Variants in C6orf89 observed in about 807,000 individuals in gnomAD.
C6orf89 encodes chromosome 6 open reading frame 89.
A neutral mutation model predicts 40.7 loss-of-function variants in C6orf89; 29 were observed. The ratio of observed to expected loss-of-function variants is 0.71; its 90% CI spans 0.53 to 0.97. C6orf89 has a LOEUF of 0.97. C6orf89 is among the 50% of genes least tolerant of loss of function. The pLI is 0.00. For synonymous variants in C6orf89, 165 were observed against 152.2 expected (o/e 1.08, Z -0.62); for missense variants, 392 against 429.1 (o/e 0.91, Z 0.76).
chr6:36,918,182 G>A (rs112026786), intron 7 of C6orf89, among the ~76,000 whole-genome samples: 2 of 152,170 alleles, frequency 1.3e-5, no homozygotes, highest in Non-Finnish European at 2.9e-5. Context: ...AGTGGCACTC[G>A]GGGAGAAGGT....
At position 36,916,676 on chromosome 6, in the gene C6orf89, C is replaced by A. The variant is rs907764716; in HGVS notation, c.825+102C>A. On this transcript the variant is annotated intron_variant, in intron 7 of 8. Coordinates refer to ENST00000480824, the MANE Select transcript of C6orf89 (RefSeq NM_001286635.2). ...CCCTGCATATTGGCTTAGAGGGTTA[C>A]AGGGTGAATTGAGGGGACACCCACA... 124 of 1,441,576 alleles carry A rather than the reference C, an allele frequency of 8.6e-5. 1 individual carries two copies. In the Admixed American group the frequency reaches 2.2e-3, roughly 25 times the overall value. 89.3% of individuals were successfully genotyped at this position (1,441,576 alleles called of 1,614,324 possible). A position where few individuals can be genotyped will look rare whatever the true frequency, so the allele number is the denominator to read the frequency against.
chr6:36,906,380 C>T (rs1459320525), intron 4 of C6orf89, among the ~76,000 whole-genome samples: 1 of 152,196 alleles, frequency 6.6e-6, no homozygotes, highest in Non-Finnish European at 1.5e-5. Flanking sequence ...GTTTATTTCT[C>T]AGTCTTCACA....
At chr6:36,903,285 G>T (rs1219047125) in intron 4 of C6orf89, among the ~76,000 whole-genome samples, 1 of 151,850 alleles carries the variant, frequency 6.6e-6, no homozygotes, top group Admixed American at 6.6e-5. Context: ...ATATTATTTT[G>T]GGATTTTTTT....
upstream of C6orf89, among the ~76,000 whole-genome samples, chr6:36,885,178 T>A (rs1423746764): frequency 1.3e-5 from 2 of 152,200 alleles, no homozygotes; most frequent in African/African-American, 4.8e-5. Flanking sequence ...CCTAACTTAA[T>A]AGTATACACC....
chr6:36,886,443 A>AT (rs1388261658), intron 1 of C6orf89, among the ~76,000 whole-genome samples: 1 of 151,942 alleles, frequency 6.6e-6, no homozygotes. Flanking sequence ...GGGGGCAATA[A>AT]TTTTTTTTCT....
chr6:36,911,107 T>C (rs1206522720), intron 4 of C6orf89, among the ~76,000 whole-genome samples: 2 of 152,242 alleles, frequency 1.3e-5, no homozygotes, highest in Admixed American at 6.5e-5. Flanking sequence ...GATTTCCCTT[T>C]ACTGGGTTTT....
Position 36,914,692 on chromosome 6 carries a change from T to C in C6orf89, c.694T>C (p.Trp232Arg). 6.2e-7 allele frequency: 1 copy of C among 1,613,630 alleles called. No homozygotes were observed. The highest frequency in any genetic ancestry group is 1.3e-5 in the African/African-American group (1 of 75,020). The change falls in exon 6 of 9, where the codon TGG (tryptophan) becomes CGG (arginine). Residue 232 changes from tryptophan to arginine, a missense_variant and splice_region_variant. Trp to Arg is a moderately radical substitution (Grantham distance 101). Transcript: ENST00000480824. Reference protein sequence around the residue: ...PERWFPFPYPWRRPLNRSQML... With the variant: ...PERWFPFPYPRRRPLNRSQML... ...GCGGTGGTTCCCATTTCCTTATCCATGGTGAGTGTGAAAAGGGCCGGGCAC... is the reference window on the plus strand; with the variant it reads ...GCGGTGGTTCCCATTTCCTTATCCACGGTGAGTGTGAAAAGGGCCGGGCAC...
chr6:36,913,894 C>T (rs1446223875), intron 4 of C6orf89, among the ~76,000 whole-genome samples: 1 of 152,226 alleles, frequency 6.6e-6, no homozygotes, highest in Non-Finnish European at 1.5e-5. Flanking sequence ...GATGCGGTGG[C>T]TTGCGCCTGT....
intron 2 of C6orf89, among the ~76,000 whole-genome samples, chr6:36,896,253 G>A (rs1761426517): frequency 6.6e-6 from 1 of 152,052 alleles, no homozygotes; most frequent in South Asian, 2.1e-4. Context: ...GATTACAGGT[G>A]CCTGCCACCA....
chr6:36,882,727 C>CTTTTTTTTTTTTTTTTTTTT (rs1561854588), upstream of C6orf89, among the ~76,000 whole-genome samples: 1 of 57,458 alleles, frequency 1.7e-5, no homozygotes, highest in African/African-American at 5.0e-5. Flanking sequence ...TTTTTTTTTT[C>CTTTTTTTTTTTTTTTTTTTT]TTTTTTCTTT....
upstream of C6orf89, among the ~76,000 whole-genome samples, chr6:36,884,064 G>A (rs1774897211): frequency 6.6e-6 from 1 of 152,130 alleles, no homozygotes; most frequent in African/African-American, 2.4e-5. The surrounding 1 kb of genome is among the most constrained non-coding windows in gnomAD (Gnocchi z 4.0). Flanking sequence ...GAGTTTGAGA[G>A]CAGCCTGGCC....
chr6:36,874,283 C>T (rs953194362), intron 1 of C6orf89, among the ~76,000 whole-genome samples: 3 of 152,212 alleles, frequency 2.0e-5, no homozygotes, highest in Non-Finnish European at 2.9e-5. Context: ...CTGTATTTTA[C>T]TGGAATTTGT....
At chr6:36,909,731 C>T (rs1004782096) in intron 4 of C6orf89, among the ~76,000 whole-genome samples, 8 of 148,854 alleles carry the variant, frequency 5.4e-5, no homozygotes, top group East Asian at 1.9e-4. Context: ...CACAGTGAGC[C>T]GTGATTGTAC....
intron 7 of C6orf89, among the ~76,000 whole-genome samples, chr6:36,918,091 C>T (rs924192943): frequency 1.3e-5 from 2 of 152,206 alleles, no homozygotes; most frequent in African/African-American, 4.8e-5. Flanking sequence ...GGCCCTGGGC[C>T]CTGGGCCCTG....
chr6:36,895,836 T>C (rs549974192), intron 2 of C6orf89, among the ~76,000 whole-genome samples: 1 of 152,390 alleles, frequency 6.6e-6, no homozygotes, highest in South Asian at 2.1e-4. Flanking sequence ...TGTGTGGACA[T>C]ATGTTTTCAT....
chr6:36,901,321 ATTTTTTTTTTTTTTT>A (rs60381134), intron 3 of C6orf89, among the ~76,000 whole-genome samples: 2 of 19,026 alleles, frequency 1.1e-4, no homozygotes, highest in African/African-American at 1.7e-4. Flanking sequence ...TATTATTATT[ATTTTTTTTTTTTTTT>A]TTTTTTTTTT....
chr6:36,900,196 G>GT (rs540944447), intron 3 of C6orf89, among the ~76,000 whole-genome samples: 6,091 of 138,518 alleles, frequency 0.044, 381 homozygotes, highest in African/African-American at 0.15. Flanking sequence ...CTTGTGTTTT[G>GT]TTTTTTTTTG....
upstream of C6orf89, among the ~76,000 whole-genome samples, chr6:36,882,576 C>T (rs928542440): frequency 6.6e-6 from 1 of 152,102 alleles, no homozygotes; most frequent in Non-Finnish European, 1.5e-5. Context: ...GATGTGGTGA[C>T]TTATAAATTG....
At chr6:36,886,475 G>A (rs1187492286) in intron 1 of C6orf89, among the ~76,000 whole-genome samples, 1 of 152,168 alleles carries the variant, frequency 6.6e-6, no homozygotes, top group East Asian at 1.9e-4. Flanking sequence ...CTTGGTATGT[G>A]ATAAACCTGG....
Sources: gnomAD v4.1 joint callset for allele counts (sites outside exome capture counted in the v4.1 genomes callset) on GRCh38, gnomAD v4.1.1 for gene constraint, Gnocchi (gnomAD v3.1) non-coding constraint, MANE v1.5 for transcripts, NCBI Gene and HGNC (gene_info 2026-07-23, HGNC 2026-07-21) for gene names.